The following SH2D4B variants were observed in gnomAD, a reference collection of about 807,000 sequenced individuals.
SH2D4B encodes the protein SH2 domain-containing protein 4B.
Under a neutral mutation model 61.5 loss-of-function variants are expected in SH2D4B, and 45 were observed. The observed-to-expected ratio is 0.73, with a 90% CI of 0.58 to 0.94. SH2D4B has a LOEUF of 0.94. Among genes scored for constraint, SH2D4B ranks in the 40% least tolerant of loss-of-function variants. The pLI, the probability that SH2D4B is intolerant of heterozygous loss-of-function variation, is 0.00. For synonymous variants in SH2D4B, 224 were observed against 220.4 expected (o/e 1.02, Z -0.14); for missense variants, 572 against 574.2 (o/e 1.00, Z 0.04).
chr10:80,587,754 T>G (rs1033255111), intron 3 of SH2D4B, among the ~76,000 whole-genome samples: 8 of 152,158 alleles, frequency 5.3e-5, no homozygotes, highest in African/African-American at 1.9e-4. Flanking sequence ...TGTCTCCCAC[T>G]TGCAGTAATC....
chr10:80,564,727 A>T (rs1841944294), intron 1 of SH2D4B, among the ~76,000 whole-genome samples: 1 of 152,218 alleles, frequency 6.6e-6, no homozygotes, highest in Non-Finnish European at 1.5e-5. Context: ...TCTAATAAGC[A>T]TGTCAAACAA....
At chr10:80,642,845 T>C (rs986353001) in intron 7 of SH2D4B, among the ~76,000 whole-genome samples, 1 of 152,238 alleles carries the variant, frequency 6.6e-6, no homozygotes, top group Non-Finnish European at 1.5e-5. Context: ...TCTGCCAGAT[T>C]GCCCTCCAAA....
At chr10:80,574,751 A>G (rs1334641680) in intron 3 of SH2D4B, among the ~76,000 whole-genome samples, 2 of 152,196 alleles carry the variant, frequency 1.3e-5, no homozygotes, top group East Asian at 3.9e-4. Context: ...TCCAGGCTGG[A>G]GTGCAATGGC....
At chr10:80,637,376 G>A (rs2132164395) in intron 7 of SH2D4B, among the ~76,000 whole-genome samples, 1 of 152,090 alleles carries the variant, frequency 6.6e-6, no homozygotes, top group South Asian at 2.1e-4. Context: ...AATTACCTTG[G>A]GCAGTATGGC....
chr10:80,633,125 C>T (rs148370257), intron 6 of SH2D4B, among the ~76,000 whole-genome samples: 60 of 151,696 alleles, frequency 4.0e-4, no homozygotes, highest in Non-Finnish European at 3.7e-4. Context: ...GACTGCGGCT[C>T]GCTCGGGAGT....
At chr10:80,612,454 G>C (rs905562447) in intron 6 of SH2D4B, among the ~76,000 whole-genome samples, 5 of 152,022 alleles carry the variant, frequency 3.3e-5, no homozygotes, top group African/African-American at 1.2e-4. Flanking sequence ...ACTCTTCTGG[G>C]ACCAGTGGGC....
chr10:80,542,936 A>G (rs1038513312), intron 1 of SH2D4B, among the ~76,000 whole-genome samples: 4 of 152,176 alleles, frequency 2.6e-5, no homozygotes, highest in Non-Finnish European at 5.9e-5. Context: ...TCCAGCCAGC[A>G]GAGTGCTCTG....
At chr10:80,557,929 G>A (rs1282819278) in intron 1 of SH2D4B, among the ~76,000 whole-genome samples, 1 of 152,022 alleles carries the variant, frequency 6.6e-6, no homozygotes, top group Non-Finnish European at 1.5e-5. Flanking sequence ...TGGGAGCTTA[G>A]ACCATTGATT....
At chr10:80,630,635 C>T (rs191262170) in intron 6 of SH2D4B, among the ~76,000 whole-genome samples, 9 of 152,204 alleles carry the variant, frequency 5.9e-5, no homozygotes, top group African/African-American at 2.2e-4. Flanking sequence ...TGGTTTTGGC[C>T]CAGAGAGGCA....
At chr10:80,636,073 T>C (rs375040896) in intron 7 of SH2D4B, among the ~76,000 whole-genome samples, 13 of 152,296 alleles carry the variant, frequency 8.5e-5, no homozygotes, top group African/African-American at 3.1e-4. Context: ...CTTGTGATAG[T>C]TTGCGAGAAT....
chr10:80,632,106 T>C (rs1842839521), intron 6 of SH2D4B, among the ~76,000 whole-genome samples: 1 of 151,898 alleles, frequency 6.6e-6, no homozygotes, highest in African/African-American at 2.4e-5. Context: ...TTTAATTTTT[T>C]TGTGGAGATA....
intron 4 of SH2D4B, among the ~76,000 whole-genome samples, chr10:80,596,455 T>C (rs1355824420): frequency 6.6e-6 from 1 of 152,176 alleles, no homozygotes; most frequent in Admixed American, 6.5e-5. Flanking sequence ...TCAGACTCAA[T>C]AGGGAGGTCG....
intron 4 of SH2D4B, among the ~76,000 whole-genome samples, chr10:80,593,687 A>G (rs919164311): frequency 2.0e-5 from 3 of 152,096 alleles, no homozygotes; most frequent in Non-Finnish European, 4.4e-5. Flanking sequence ...GATTCCTTCT[A>G]TTTTGTTTTC....
intron 7 of SH2D4B, 90 bp from the exon 8 acceptor site, chr10:80,643,903 T>C (rs1416825023): frequency 2.4e-6 from 2 of 849,564 alleles, no homozygotes; most frequent in African/African-American, 1.7e-5. Context: ...ATATTCTTAG[T>C]TTCTCTGTCT....
chr10:80,627,777 A>C (rs1411579405), intron 6 of SH2D4B, among the ~76,000 whole-genome samples: 1 of 151,740 alleles, frequency 6.6e-6, no homozygotes, highest in Non-Finnish European at 1.5e-5. Flanking sequence ...ATACATATTT[A>C]TTAAAGGGAG....
chr10:80,607,105 G>A (rs1842528535), intron 5 of SH2D4B, among the ~76,000 whole-genome samples: 1 of 152,128 alleles, frequency 6.6e-6, no homozygotes, highest in Admixed American at 6.5e-5. Flanking sequence ...ATATTCTGGG[G>A]GAGTCAGATT....
In SH2D4B at chr10:80,571,530, C is replaced by T; in HGVS notation, c.447C>T (p.Asp149=). Residue 149 remains aspartate (D), a synonymous_variant, in exon 3 of 8, where the codon GAC becomes GAT. Transcript: ENST00000646907. ...AGAAGTGGAAAGTGGAGATGGAAGA[C>T]CGCAAGGCTGCCAAAGTCCTGGAGG... ...LAEKWKVEME[D]RKAAKVLEER... is the part of the protein sequence containing the mutation. 1.2e-6 allele frequency: 2 copies of T among 1,614,058 alleles called. No individual in the cohort carries two copies. Among genetic ancestry groups the T allele is most frequent in the South Asian group, 1.1e-5 (1 of 91,076 alleles).
Position 80,539,390 on chromosome 10 carries a change from A to G in SH2D4B, c.184+875A>G, listed in dbSNP as rs1449569585. Among the ~76,000 whole-genome samples the G allele has an allele frequency of 6.6e-6, 1 of 152,246 alleles. No individual in the cohort carries two copies. Among genetic ancestry groups the G allele is most frequent in the Non-Finnish European group, 1.5e-5 (1 of 68,044 alleles). On this transcript the variant is annotated intron_variant, in intron 1 of 7. Coordinates refer to ENST00000646907, the MANE Select transcript of SH2D4B (RefSeq NM_001388272.1). The surrounding 1 kb of genome is among the most constrained non-coding windows in gnomAD (Gnocchi z 4.9). ...AGAACAAAGTCCTGTTTCAGGGCTG[A>G]GCACACAGCTCCCTTGGTGATCTGG...
intron 1 of SH2D4B, among the ~76,000 whole-genome samples, chr10:80,555,984 T>G (rs1841829279): frequency 6.6e-6 from 1 of 152,228 alleles, no homozygotes; most frequent in African/African-American, 2.4e-5. Context: ...GACGATGTGA[T>G]GAACATTTAT....
Sources: allele counts gnomAD v4.1 joint callset (sites outside exome capture counted in the v4.1 genomes callset), GRCh38; gene constraint gnomAD v4.1.1; non-coding constraint Gnocchi (gnomAD v3.1); transcripts MANE v1.5; gene names NCBI Gene and HGNC (gene_info 2026-07-23, HGNC 2026-07-21).